The following FHIT variants were observed in gnomAD, a reference collection of about 807,000 sequenced individuals.
FHIT encodes the protein fragile histidine triad diadenosine triphosphatase, also known as bis(5'-adenosyl)-triphosphatase.
A neutral mutation model predicts 17.9 loss-of-function variants in FHIT; 19 were observed. The ratio of observed to expected loss-of-function variants is 1.06; its 90% confidence interval spans 0.74 to 1.56. The LOEUF (loss-of-function observed/expected upper bound fraction) is 1.56. FHIT is among the 40% of genes most tolerant of loss of function. The probability of loss-of-function intolerance (pLI) is 0.00; values close to 1 mark genes in which losing one functional copy is unlikely to be tolerated. For missense variants in FHIT, 248 were observed against 189.2 expected (o/e 1.31, Z -1.82); for synonymous variants, 81 against 69.7 (o/e 1.16, Z -0.81).
chr3:60,500,623 A>T (rs1375513519), intron 5 of FHIT, among the ~76,000 whole-genome samples: 1 of 151,556 alleles, frequency 6.6e-6, no homozygotes, highest in Non-Finnish European at 1.5e-5. Flanking sequence ...TACAAAAAAA[A>T]TTAGTAGGGT....
Position 59,913,293 on chromosome 3 carries a change from G to C in FHIT, c.348+9053C>G, listed in dbSNP as rs143784306. On this transcript the variant is annotated intron_variant, in intron 8 of 9. Transcript: ENST00000492590. The stretch of plus-strand genomic sequence containing the variant: ...TAGTACTGGAAGTCCCAGTGTCTAA[G>C]AAAATCGCTTTTCTCCCTATACATG... Among the ~76,000 whole-genome samples, 10 of 152,262 alleles carry C rather than the reference G, an allele frequency of 6.6e-5. No homozygotes were observed. The East Asian group carries it at 1.9e-3, about 29-fold the overall frequency.
chr3:60,805,875 A>T (rs1553733884), intron 4 of FHIT, among the ~76,000 whole-genome samples: 1 of 152,152 alleles, frequency 6.6e-6, no homozygotes, highest in Non-Finnish European at 1.5e-5. Context: ...TAAAGGGGTA[A>T]TTAAGGTTAC....
intron 3 of FHIT, among the ~76,000 whole-genome samples, chr3:60,930,084 T>C (rs1356050108): frequency 2.0e-5 from 3 of 152,128 alleles, no homozygotes; most frequent in African/African-American, 7.3e-5. Flanking sequence ...ATCTGATCTT[T>C]GACAAACCTG....
At position 59,748,799 on chromosome 3, in the gene FHIT, T is replaced by TAACA. The variant is rs1553657666; in HGVS notation, c.*782_*785dup. ...CCGTTGGCCTTGAACTAATAATACTTAACATCCTTAAGCCTTAGTTTTCTC... is the reference window on the plus strand; with the variant it reads ...CCGTTGGCCTTGAACTAATAATACTTAACAAACATCCTTAAGCCTTAGTTTTCTC... On this transcript the variant is annotated 3_prime_UTR_variant, in exon 10 of 10. Coordinates refer to ENST00000492590, the MANE Select transcript of FHIT (RefSeq NM_002012.4). Among the ~76,000 whole-genome samples the TAACA allele has an allele frequency of 6.6e-6, 1 of 152,258 alleles. No individual in the cohort carries two copies. Among genetic ancestry groups the TAACA allele is most frequent in the East Asian group, 1.9e-4 (1 of 5,170 alleles).
intron 3 of FHIT, among the ~76,000 whole-genome samples, chr3:60,988,778 C>T (rs960766366): frequency 6.6e-6 from 1 of 151,990 alleles, no homozygotes; most frequent in African/African-American, 2.4e-5. Context: ...CTCAAGTCTC[C>T]TAGTTTTAAA....
At chr3:60,681,516 G>A (rs893298252) in intron 4 of FHIT, among the ~76,000 whole-genome samples, 3 of 152,174 alleles carry the variant, frequency 2.0e-5, no homozygotes, top group Non-Finnish European at 4.4e-5. Flanking sequence ...GATTAAGCTT[G>A]GCGAGGAAGG....
chr3:61,062,573 T>C (rs2034465505), intron 2 of FHIT, among the ~76,000 whole-genome samples: 1 of 152,138 alleles, frequency 6.6e-6, no homozygotes, highest in African/African-American at 2.4e-5. Context: ...AAACTGTGAC[T>C]CTCCAACGTC....
chr3:60,987,248 G>A (rs1710756604), intron 3 of FHIT, among the ~76,000 whole-genome samples: 2 of 152,142 alleles, frequency 1.3e-5, no homozygotes, highest in Middle Eastern at 3.4e-3. Context: ...CCATAAACTG[G>A]CCCCAAAACT....
At chr3:60,560,885 GGGGA>G (rs966562366) in intron 4 of FHIT, among the ~76,000 whole-genome samples, 3 of 150,746 alleles carry the variant, frequency 2.0e-5, no homozygotes, top group Non-Finnish European at 4.4e-5. Flanking sequence ...AAGGAGAGGT[GGGGA>G]GGAAGTGAGT....
At chr3:60,900,505 A>G (rs545897049) in intron 3 of FHIT, among the ~76,000 whole-genome samples, 2 of 152,268 alleles carry the variant, frequency 1.3e-5, no homozygotes, top group African/African-American at 4.8e-5. Context: ...CAATCTTTTT[A>G]GAAACCAAAA....
intron 4 of FHIT, among the ~76,000 whole-genome samples, chr3:60,606,414 G>C (rs2038610324): frequency 1.3e-5 from 2 of 151,758 alleles, no homozygotes; most frequent in African/African-American, 4.8e-5. Flanking sequence ...GTAATTTTTT[G>C]TGTTTTAGTA....
At chr3:60,015,508 A>G (rs1423068515) in intron 5 of FHIT, among the ~76,000 whole-genome samples, 2 of 152,196 alleles carry the variant, frequency 1.3e-5, no homozygotes, top group Non-Finnish European at 2.9e-5. Flanking sequence ...CCATTTAGAA[A>G]TGAAGAATTT....
intron 2 of FHIT, among the ~76,000 whole-genome samples, chr3:61,172,564 C>A (rs1474124885): frequency 6.6e-6 from 1 of 152,168 alleles, no homozygotes; most frequent in Admixed American, 6.5e-5. Flanking sequence ...CCAATTAAAA[C>A]AATATTTTAA....
At chr3:60,500,471 A>T (rs903665395) in intron 5 of FHIT, among the ~76,000 whole-genome samples, 12 of 152,092 alleles carry the variant, frequency 7.9e-5, no homozygotes, top group African/African-American at 2.9e-4. Context: ...ACCTAGCAAG[A>T]GTTGTATTGG....
chr3:60,849,302 G>A (rs1231715061), intron 3 of FHIT, among the ~76,000 whole-genome samples: 1 of 151,828 alleles, frequency 6.6e-6, no homozygotes, highest in African/African-American at 2.4e-5. Flanking sequence ...GTGTACCAAC[G>A]TAGATGTGTG....
chr3:60,120,924 T>C (rs9878583), intron 5 of FHIT, among the ~76,000 whole-genome samples: 43,588 of 151,858 alleles, frequency 0.29, 6,651 homozygotes, highest in Non-Finnish European at 0.34. Context: ...AGTTCCCAAA[T>C]TTTGCCTTTA....
At chr3:61,053,812 G>A (rs2365051) in intron 2 of FHIT, among the ~76,000 whole-genome samples, 83,627 of 151,992 alleles carry the variant, frequency 0.55, 25,987 homozygotes, top group East Asian at 0.79. Flanking sequence ...GGCACAATAT[G>A]GAAGAGAGAA....
intron 3 of FHIT, among the ~76,000 whole-genome samples, chr3:60,861,259 TATATC>T (rs1321743112): frequency 8.6e-6 from 1 of 116,840 alleles, no homozygotes; most frequent in African/African-American, 3.3e-5. Context: ...ATACATATGA[TATATC>T]ATATCATATA....
chr3:61,207,648 G>A (rs1389434920), intron 1 of FHIT, among the ~76,000 whole-genome samples: 2 of 152,152 alleles, frequency 1.3e-5, no homozygotes, highest in African/African-American at 4.8e-5. Context: ...TTGTATTTCT[G>A]TGGGATCGGT....
Sources: allele counts gnomAD v4.1 joint callset (sites outside exome capture counted in the v4.1 genomes callset), GRCh38; gene constraint gnomAD v4.1.1; transcripts MANE v1.5; gene names NCBI Gene and HGNC (gene_info 2026-07-23, HGNC 2026-07-21).